The following FAM120C variants were observed in gnomAD, a reference collection of about 807,000 sequenced individuals.
FAM120C encodes constitutive coactivator of PPAR-gamma-like protein 2.
Under a neutral mutation model 71.2 loss-of-function variants are expected in FAM120C, and 14 were observed. The observed-to-expected ratio is 0.20, with a 90% CI of 0.13 to 0.31. FAM120C has a LOEUF of 0.31. Among genes scored for constraint, FAM120C ranks in the 10% least tolerant of loss-of-function variants. FAM120C has a pLI of 1.00. For synonymous variants in FAM120C, 354 were observed against 353.2 expected (o/e 1.00, Z -0.03); for missense variants, 500 against 879.0 (o/e 0.57, Z 5.45).
chrX:54,118,333 A>G (rs1047999871), intron 9 of FAM120C, among the ~76,000 whole-genome samples: 6 of 110,827 alleles, frequency 5.4e-5, no homozygotes, highest in Middle Eastern at 4.6e-3. Context: ...GTAATATTCC[A>G]TGGCAAGAAT....
chrX:54,180,385 A>G (rs2067341864), intron 1 of FAM120C, among the ~76,000 whole-genome samples: 1 of 112,086 alleles, frequency 8.9e-6, no homozygotes, highest in African/African-American at 3.2e-5. Flanking sequence ...ATTTTTCATC[A>G]CTTGCAATTA....
intron 11 of FAM120C, among the ~76,000 whole-genome samples, chrX:54,088,765 T>G (rs1464119599): frequency 9.1e-6 from 1 of 109,873 alleles, no homozygotes; most frequent in Non-Finnish European, 1.9e-5. Context: ...AATTCTTTTC[T>G]TGGCCAGGCA....
chrX:54,136,967 ATTT>A (rs1268530090), intron 4 of FAM120C, among the ~76,000 whole-genome samples: 1 of 108,790 alleles, frequency 9.2e-6, no homozygotes, highest in Non-Finnish European at 1.9e-5. Flanking sequence ...TATTATTATT[ATTT>A]GAGACAGAGT....
chrX:54,150,390 C>T (rs2067178426), intron 4 of FAM120C, among the ~76,000 whole-genome samples: 1 of 112,486 alleles, frequency 8.9e-6, no homozygotes, highest in Non-Finnish European at 1.9e-5. Flanking sequence ...ACAGTTTCTA[C>T]TGAAAGCATA....
At chrX:54,167,449 T>C (rs1490739950) in intron 1 of FAM120C, among the ~76,000 whole-genome samples, 2 of 110,640 alleles carry the variant, frequency 1.8e-5, no homozygotes, top group African/African-American at 6.6e-5. Context: ...AAAGCGAGAG[T>C]TGAGATTCTG....
At chrX:54,130,121 G>C (rs1309237916) in intron 9 of FAM120C, among the ~76,000 whole-genome samples, 4 of 77,745 alleles carry the variant, frequency 5.1e-5, no homozygotes, top group Non-Finnish European at 1.0e-4. Flanking sequence ...GGGAGAGGGA[G>C]AGGGAGACCG....
At position 54,069,166 on chromosome X, in the gene FAM120C, G is replaced by C. The variant is rs2066699951; in HGVS notation, c.*3867C>G. 9.0e-6 allele frequency: 1 copy of C among 111,596 alleles called. No individual in the cohort carries two copies. The highest frequency in any genetic ancestry group is 9.6e-5 in the Admixed American group (1 of 10,373). The allele number at this position is 111,596 out of a possible 1,213,427, so 9.2% of individuals were successfully genotyped here. On this transcript the variant is annotated 3_prime_UTR_variant, in exon 16 of 16. Transcript: ENST00000375180. ...CTGACAATATTCAAGATAATTAGCA[G>C]TAACAGGGGAATAGGTGCACTGAGC...
chrX:54,093,027 T>C (rs1318424969), intron 10 of FAM120C, among the ~76,000 whole-genome samples: 1 of 112,182 alleles, frequency 8.9e-6, no homozygotes, highest in Non-Finnish European at 1.9e-5. Context: ...AGTGCCCATG[T>C]CAGTTCCCAT....
At chrX:54,152,110 C>T (rs1014536717) in intron 3 of FAM120C, among the ~76,000 whole-genome samples, 6 of 106,486 alleles carry the variant, frequency 5.6e-5, no homozygotes, top group Non-Finnish European at 9.7e-5. Flanking sequence ...CTCTGCTTCC[C>T]GGGTTGAAGC....
chrX:54,116,254 T>C (rs1170317445), intron 10 of FAM120C, among the ~76,000 whole-genome samples: 1 of 109,879 alleles, frequency 9.1e-6, no homozygotes, highest in Non-Finnish European at 1.9e-5. Flanking sequence ...TACCCAAGAG[T>C]AGATGACTAT....
Position 54,073,219 on chromosome X carries a change from T to G in FAM120C, c.3105A>C (p.Gly1035=), listed in dbSNP as rs146408013. ...CTTCCTTGATCAATGCGCCACTGTT[T>G]CCATTTACCTGGGAGCGAGACCGAC... ...HQGRSRSQVN[G]NSGALIKEEK... The change falls in exon 16 of 16, where the codon GGA becomes GGC. Residue 1035 remains glycine, a synonymous_variant. Transcript: ENST00000375180. The G allele has an allele frequency of 3.9e-5, 47 of 1,208,358 alleles. No individual in the cohort carries two copies. The East Asian group carries it at 1.4e-3, about 35-fold the overall frequency.
chrX:54,110,772 G>A (rs1557125566), intron 10 of FAM120C, among the ~76,000 whole-genome samples: 1 of 110,601 alleles, frequency 9.0e-6, no homozygotes, highest in Non-Finnish European at 1.9e-5. Context: ...AAAATTAGCT[G>A]GGCATGGCCG....
rs60437415 is a variant in FAM120C, at chrX:54,169,611, C to T, written c.700-9995G>A. On this transcript the variant is annotated intron_variant, in intron 1 of 15. Transcript: ENST00000375180. The stretch of plus-strand genomic sequence containing the variant: ...CCTCTACCATGCTAAATACACCAAA[C>T]TAGTGACTAACTTGGGCTGAGTTCT... Among the ~76,000 whole-genome samples the T allele has an allele frequency of 3.7e-3, 411 of 111,941 alleles. 12 individuals carry two copies. In the East Asian group the frequency reaches 0.097, roughly 26 times the overall value.
At chrX:54,169,426 T>C (rs781999992) in intron 1 of FAM120C, among the ~76,000 whole-genome samples, 24 of 112,098 alleles carry the variant, frequency 2.1e-4, no homozygotes, top group Non-Finnish European at 4.1e-4. Flanking sequence ...AATAACTAGA[T>C]TGTAAGCCCA....
chrX:54,111,052 T>C (rs1362694980), intron 10 of FAM120C, among the ~76,000 whole-genome samples: 1 of 105,575 alleles, frequency 9.5e-6, no homozygotes, highest in South Asian at 4.3e-4. Flanking sequence ...AGAGCGAGAC[T>C]CTGTCTCAAA....
chrX:54,134,176 G>A (rs782433667), intron 7 of FAM120C, 130 bp from the exon 8 acceptor site: 4 of 608,924 alleles, frequency 6.6e-6, no homozygotes, highest in Non-Finnish European at 9.8e-6. Flanking sequence ...GGTTAGCACT[G>A]GACTGGTACC....
At chrX:54,158,879 T>G (rs1319774301) in intron 2 of FAM120C, among the ~76,000 whole-genome samples, 1 of 112,260 alleles carries the variant, frequency 8.9e-6, no homozygotes, top group Non-Finnish European at 1.9e-5. Flanking sequence ...GTGGTGGATA[T>G]AGGGTTTTTA....
At chrX:54,150,973 C>T (rs1225338686) in intron 4 of FAM120C, among the ~76,000 whole-genome samples, 1 of 110,984 alleles carries the variant, frequency 9.0e-6, no homozygotes, top group Admixed American at 9.7e-5. Flanking sequence ...CCTTGGCCTC[C>T]CAAAGTGCTG....
At chrX:54,174,069 TGA>T (rs2067303142) in intron 1 of FAM120C, 1 of 510,291 alleles carries the variant, frequency 2.0e-6, no homozygotes, top group South Asian at 2.5e-5. Context: ...AGTTCCTCAC[TGA>T]GTGTTGGTTG....
Sources: allele counts gnomAD v4.1 joint callset (sites outside exome capture counted in the v4.1 genomes callset), GRCh38; gene constraint gnomAD v4.1.1; transcripts MANE v1.5; gene names NCBI Gene and HGNC (gene_info 2026-07-23, HGNC 2026-07-21).